Variants in ADGRL3 observed in about 807,000 individuals in gnomAD.
The protein encoded by ADGRL3 is adhesion G protein-coupled receptor L3.
Under a neutral mutation model 153.5 loss-of-function variants are expected in ADGRL3, and 62 were observed. The observed-to-expected ratio is 0.40, with a 90% CI of 0.33 to 0.50. The LOEUF (loss-of-function observed/expected upper bound fraction) is 0.50, where lower values mean the gene tolerates loss of function less well. ADGRL3 is among the 20% of genes least tolerant of loss of function. The probability of loss-of-function intolerance (pLI) is 0.47; values close to 1 mark genes in which losing one functional copy is unlikely to be tolerated. For synonymous variants in ADGRL3, 710 were observed against 672.5 expected (o/e 1.06, Z -0.86); for missense variants, 1,641 against 1,859.4 (o/e 0.88, Z 2.16).
intron 1 of ADGRL3, among the ~76,000 whole-genome samples, chr4:61,382,654 T>C (rs1448513131): frequency 6.6e-6 from 1 of 151,806 alleles, no homozygotes; most frequent in Non-Finnish European, 1.5e-5. Flanking sequence ...TGTGTCTGTA[T>C]ACATAAATAA....
chr4:61,645,376 A>C (rs908723070), intron 5 of ADGRL3, among the ~76,000 whole-genome samples: 1 of 150,314 alleles, frequency 6.7e-6, no homozygotes, highest in African/African-American at 2.5e-5. Flanking sequence ...GTTTCTTCCT[A>C]GTCTCGATGG....
At chr4:61,822,683 T>C (rs1233473823) in intron 9 of ADGRL3, among the ~76,000 whole-genome samples, 1 of 152,160 alleles carries the variant, frequency 6.6e-6, no homozygotes, top group Non-Finnish European at 1.5e-5. Context: ...GGTCTATAAT[T>C]CATATACTGA....
At chr4:61,740,099 G>T (rs1580540973) in intron 8 of ADGRL3, among the ~76,000 whole-genome samples, 1 of 152,210 alleles carries the variant, frequency 6.6e-6, no homozygotes, top group East Asian at 1.9e-4. Context: ...TGAGTACAAA[G>T]TACATGTGAA....
At chr4:61,470,472 A>G (rs952921631) in intron 2 of ADGRL3, among the ~76,000 whole-genome samples, 12 of 152,010 alleles carry the variant, frequency 7.9e-5, no homozygotes, top group Admixed American at 3.9e-4. Context: ...ATCAATGAAA[A>G]TAATCCATGT....
intron 4 of ADGRL3, among the ~76,000 whole-genome samples, chr4:61,538,826 G>A (rs1036202104): frequency 1.3e-5 from 2 of 152,152 alleles, no homozygotes; most frequent in Non-Finnish European, 2.9e-5. Context: ...GACAATGAAT[G>A]GAAGCCCCTG....
At chr4:62,046,598 G>A (rs904639616) in intron 25 of ADGRL3, among the ~76,000 whole-genome samples, 5 of 151,880 alleles carry the variant, frequency 3.3e-5, no homozygotes, top group African/African-American at 9.7e-5. Context: ...TAAAGGAAGG[G>A]TATACAATTT....
chr4:61,334,461 G>A (rs960970395), intron 1 of ADGRL3, among the ~76,000 whole-genome samples: 15 of 152,104 alleles, frequency 9.9e-5, no homozygotes. Flanking sequence ...GTAAATTAAA[G>A]GAAGAATTTT....
At chr4:61,491,883 G>T (rs911426059) in intron 2 of ADGRL3, among the ~76,000 whole-genome samples, 3 of 152,000 alleles carry the variant, frequency 2.0e-5, no homozygotes, top group African/African-American at 7.2e-5. Context: ...AAACCAAAAT[G>T]GTTTTAAATT....
intron 1 of ADGRL3, among the ~76,000 whole-genome samples, chr4:61,324,672 A>G (rs890211849): frequency 6.6e-6 from 1 of 152,190 alleles, no homozygotes; most frequent in African/African-American, 2.4e-5. Flanking sequence ...CTGCTCAACA[A>G]GCAAATAGGA....
intron 6 of ADGRL3, among the ~76,000 whole-genome samples, chr4:61,706,109 A>G (rs558585371): frequency 7.2e-5 from 11 of 152,154 alleles, no homozygotes; most frequent in Non-Finnish European, 1.2e-4. Flanking sequence ...AAAGTCCTAG[A>G]TGGTATCTAC....
intron 1 of ADGRL3, among the ~76,000 whole-genome samples, chr4:61,224,827 G>A (rs1467055381): frequency 6.6e-6 from 1 of 152,178 alleles, no homozygotes; most frequent in Non-Finnish European, 1.5e-5. Flanking sequence ...ACTTATCTGA[G>A]TGGATGGCGA....
At chr4:61,383,408 G>A (rs894927759) in intron 2 of ADGRL3, among the ~76,000 whole-genome samples, 2 of 151,564 alleles carry the variant, frequency 1.3e-5, no homozygotes, top group African/African-American at 4.8e-5. Flanking sequence ...CAAATTATAA[G>A]TGATCTAATT....
chr4:61,397,767 A>T (rs561348700), intron 2 of ADGRL3, among the ~76,000 whole-genome samples: 1 of 151,946 alleles, frequency 6.6e-6, no homozygotes, highest in African/African-American at 2.4e-5. Flanking sequence ...TGCAAAGGGT[A>T]TGTTGAACCT....
intron 15 of ADGRL3, among the ~76,000 whole-genome samples, chr4:61,939,685 G>C (rs1337078756): frequency 6.6e-6 from 1 of 151,862 alleles, no homozygotes; most frequent in Admixed American, 6.6e-5. Context: ...GGTCAGGCTG[G>C]TCTTGAATTC....
At chr4:61,743,807 A>G (rs2096614970) in intron 8 of ADGRL3, among the ~76,000 whole-genome samples, 1 of 152,200 alleles carries the variant, frequency 6.6e-6, no homozygotes, top group Non-Finnish European at 1.5e-5. Context: ...TGATTTCTGC[A>G]TTTCCATCTG....
At chr4:61,390,628 A>G (rs186200369) in intron 2 of ADGRL3, among the ~76,000 whole-genome samples, 11 of 152,364 alleles carry the variant, frequency 7.2e-5, no homozygotes, top group Non-Finnish European at 4.4e-5. Flanking sequence ...ATTAACAAAT[A>G]GATACACCCA....
At chr4:62,023,146 T>C (rs1441094878) in intron 21 of ADGRL3, among the ~76,000 whole-genome samples, 2 of 152,134 alleles carry the variant, frequency 1.3e-5, no homozygotes, top group Non-Finnish European at 2.9e-5. Context: ...TTGGAAGAAT[T>C]TGAGTCCAAC....
chr4:61,343,723 A>G (rs2095849634), intron 1 of ADGRL3, among the ~76,000 whole-genome samples: 1 of 152,172 alleles, frequency 6.6e-6, no homozygotes, highest in Admixed American at 6.5e-5. Flanking sequence ...ACAGTGCATA[A>G]TATCTTAAAG....
At chr4:61,831,429 A>AG (rs2097867529) in intron 9 of ADGRL3, among the ~76,000 whole-genome samples, 1 of 149,684 alleles carries the variant, frequency 6.7e-6, no homozygotes, top group East Asian at 1.9e-4. Context: ...AAAAAAAAAA[A>AG]AAAAAAAAAA....
Sources: allele counts gnomAD v4.1 joint callset (sites outside exome capture counted in the v4.1 genomes callset), GRCh38; gene constraint gnomAD v4.1.1; transcripts MANE v1.5; gene names NCBI Gene and HGNC (gene_info 2026-07-23, HGNC 2026-07-21).